FBXL19: variants seen among roughly 807,000 people sequenced by gnomAD.
The protein encoded by FBXL19 is F-box/LRR-repeat protein 19.
FBXL19 carries 16 observed loss-of-function variants against 71.2 expected under a neutral mutation model. The observed-to-expected ratio is 0.22, with a 90% CI of 0.15 to 0.34. The LOEUF (loss-of-function observed/expected upper bound fraction) is 0.34. FBXL19 is among the 10% of genes least tolerant of loss of function. The pLI, the probability that FBXL19 is intolerant of heterozygous loss-of-function variation, is 1.00. For missense variants in FBXL19, 658 were observed against 968.2 expected (o/e 0.68, Z 4.25); for synonymous variants, 447 against 409.4 (o/e 1.09, Z -1.11).
At position 30,930,325 on chromosome 16, in the gene FBXL19, G is replaced by C. The variant is rs769425331; in HGVS notation, c.1042G>C (p.Gly348Arg). The C allele has an allele frequency of 1.6e-5, 25 of 1,601,626 alleles. No individual in the cohort carries two copies. The highest frequency in any genetic ancestry group is 1.7e-6 in the Non-Finnish European group (2 of 1,174,480). Residue 348 changes from glycine to arginine, a missense_variant, in exon 7 of 11, where the codon GGG becomes CGG. Gly to Arg is a moderately radical substitution (Grantham distance 125, BLOSUM62 -2). This residue lies in a region of FBXL19 where 447 missense variants were observed against 515.4 expected (regional missense o/e 0.87). Coordinates refer to ENST00000338343, the MANE Select transcript of FBXL19 (RefSeq NM_001382779.1). The surrounding 1 kb of genome is among the most constrained non-coding windows in gnomAD (Gnocchi z 8.5). ...RGSSGEKENR[G>R]GRRAVRPGSG... ...CAGCTCTGGCGAGAAGGAGAACCGTGGGGGGCGGCGGGCTGTGCGCCCTGG... is the reference window on the plus strand; with the variant it reads ...CAGCTCTGGCGAGAAGGAGAACCGTCGGGGGCGGCGGGCTGTGCGCCCTGG...
chr16:30,924,538 A>G (rs1298879202), intron 1 of FBXL19, 79 bp downstream of exon 1: 1 of 1,197,416 alleles, frequency 8.4e-7, no homozygotes, highest in Non-Finnish European at 1.1e-6. Flanking sequence ...GCCTCTCTCT[A>G]CCTTCCCCGC....
At chr16:30,940,921 G>A (rs971559048) in intron 7 of FBXL19, among the ~76,000 whole-genome samples, 6 of 151,876 alleles carry the variant, frequency 4.0e-5, no homozygotes, top group East Asian at 1.9e-4. Flanking sequence ...CACCCACCTC[G>A]GCCTCCCAAA....
At chr16:30,945,101 A>T (rs76559563) in intron 9 of FBXL19, among the ~76,000 whole-genome samples, 1 of 152,360 alleles carries the variant, frequency 6.6e-6, no homozygotes, top group Non-Finnish European at 1.5e-5. Context: ...GGAAGTTTTT[A>T]GCATTCTGTA....
chr16:30,943,665 C>T (rs1474497857), intron 9 of FBXL19, among the ~76,000 whole-genome samples: 1 of 152,094 alleles, frequency 6.6e-6, no homozygotes, highest in Non-Finnish European at 1.5e-5. Context: ...TTAGCCACCG[C>T]ACCCGGCCTG....
At chr16:30,928,992 C>G (rs922021015) in intron 6 of FBXL19, among the ~76,000 whole-genome samples, 1 of 152,184 alleles carries the variant, frequency 6.6e-6, no homozygotes, top group Admixed American at 6.5e-5. Context: ...ATGCTGCTGC[C>G]TGCCTTGCCC....
chr16:30,941,749 C>T (rs575099863), intron 7 of FBXL19, among the ~76,000 whole-genome samples: 47 of 152,156 alleles, frequency 3.1e-4, no homozygotes, highest in Admixed American at 5.9e-4. Flanking sequence ...AGGCAGCATG[C>T]GTGGCATTTG....
chr16:30,928,077 G>A, intron 5 of FBXL19, 114 bp downstream of exon 5: 3 of 719,002 alleles, frequency 4.2e-6, no homozygotes, highest in South Asian at 2.1e-5. Flanking sequence ...GGTTCCCCAA[G>A]GACTGTTGGG....
At position 30,931,151 on chromosome 16, in the gene FBXL19, C is replaced by A. The variant is rs1326977041; in HGVS notation, c.1301+567C>A. 2.0e-5 allele frequency among the ~76,000 whole-genome samples: 3 copies of A among 152,208 alleles called. No individual in the cohort carries two copies. In the East Asian group the frequency reaches 5.8e-4, roughly 29 times the overall value. On this transcript the variant is annotated intron_variant, in intron 7 of 10. Coordinates refer to ENST00000338343, the MANE Select transcript of FBXL19 (RefSeq NM_001382779.1). ...GCCACCACTAATGCCCTCTGCCCAT[C>A]CCCCAGCCCCCCAGCCTCTATTAGA...
chr16:30,927,774 G>A lies in FBXL19; in HGVS notation c.438G>A (p.Arg146=). The A allele has an allele frequency of 6.4e-7, 1 of 1,556,712 alleles. No individual in the cohort carries two copies. Among genetic ancestry groups the A allele is most frequent in the Non-Finnish European group, 8.7e-7 (1 of 1,150,878 alleles). The part of the protein sequence containing the change: ...KDSGEGPGRR[R]ADNGEEGASL... ...CAGGTGAGGGGCCTGGCCGCCGTAGGGCCGACAACGGCGAGGAGGGCGCCA... is the reference window on the plus strand; with the variant it reads ...CAGGTGAGGGGCCTGGCCGCCGTAGAGCCGACAACGGCGAGGAGGGCGCCA... Residue 146 remains arginine, a synonymous_variant, in exon 5 of 11, where the codon AGG becomes AGA. Coordinates refer to ENST00000338343, the MANE Select transcript of FBXL19 (RefSeq NM_001382779.1).
In FBXL19 at chr16:30,925,604, G is replaced by T. The variant is rs1012081021; in HGVS notation, c.-24-127G>T. On this transcript the variant is annotated intron_variant, in intron 1 of 10. Transcript: ENST00000338343. The surrounding 1 kb of genome is among the most constrained non-coding windows in gnomAD (Gnocchi z 5.0). The stretch of plus-strand genomic sequence containing the variant: ...ATTGGCCCCCAGATACACAGAAGGG[G>T]GTGACCTCCTTGTCCCCCTGAGGAA... 2 of 1,039,486 alleles carry T rather than the reference G, an allele frequency of 1.9e-6. No individual in the cohort carries two copies. Among genetic ancestry groups the T allele is most frequent in the Non-Finnish European group, 2.6e-6 (2 of 775,944 alleles). 64.4% of individuals were successfully genotyped at this position (1,039,486 alleles called of 1,614,324 possible). A position where few individuals can be genotyped will look rare whatever the true frequency, so the allele number is the denominator to read the frequency against.
Position 30,925,525 on chromosome 16 carries a change from G to T in FBXL19, c.-24-206G>T. The T allele has an allele frequency of 2.1e-6, 1 of 473,766 alleles. No individual in the cohort carries two copies. The highest frequency in any genetic ancestry group is 3.5e-6 in the Non-Finnish European group (1 of 283,468). 29.3% of individuals were successfully genotyped at this position (473,766 alleles called of 1,614,324 possible). ...GGCGGTAGAGGAGCGAGGCCAGGAA[G>T]CAGTTCTTGGGCTCCTCTTGAGCTG... On this transcript the variant is annotated intron_variant, in intron 1 of 10. Transcript: ENST00000338343. The surrounding 1 kb of genome is among the most constrained non-coding windows in gnomAD (Gnocchi z 5.0).
At position 30,923,944 on chromosome 16, in the gene FBXL19, A is replaced by AC. The variant is rs1314843514; in HGVS notation, c.-532dup. 3.4e-4 allele frequency among the ~76,000 whole-genome samples: 28 copies of AC among 82,988 alleles called. No individual in the cohort carries two copies. The highest frequency in any genetic ancestry group is 1.2e-3 in the East Asian group (4 of 3,302). 54.4% of individuals were successfully genotyped at this position (82,988 alleles called of 152,430 possible). A position where few individuals can be genotyped will look rare whatever the true frequency, so the allele number is the denominator to read the frequency against. ...CAGGGGAGGGGGGCAGGTTACAGCG[A>AC]CCCCCCCCTCCCCGGGAACCGGCGG... On this transcript the variant is annotated 5_prime_UTR_variant, in exon 1 of 11. Coordinates refer to ENST00000338343, the MANE Select transcript of FBXL19 (RefSeq NM_001382779.1).
chr16:30,937,380 G>A (rs1432542549), intron 7 of FBXL19, among the ~76,000 whole-genome samples: 1 of 151,968 alleles, frequency 6.6e-6, no homozygotes, highest in South Asian at 2.1e-4. Flanking sequence ...CCCCCAGGAG[G>A]CTCCCCCACC....
intron 7 of FBXL19, among the ~76,000 whole-genome samples, chr16:30,933,840 C>T (rs963591741): frequency 2.6e-5 from 4 of 151,466 alleles, no homozygotes; most frequent in African/African-American, 9.7e-5. Context: ...ACAACCTCCA[C>T]CTCCTGGGTT....
chr16:30,923,340 T>G (rs1239986869), upstream of FBXL19: 2 of 403,140 alleles, frequency 5.0e-6, no homozygotes, highest in Non-Finnish European at 1.0e-5. Context: ...GGGCACGCCC[T>G]CCGCCGTCCT....
chr16:30,928,517 C>T lies in FBXL19; in HGVS notation c.678C>T (p.Cys226=). 6.2e-7 allele frequency: 1 copy of T among 1,607,078 alleles called. No homozygotes were observed. The highest frequency in any genetic ancestry group is 8.5e-7 in the Non-Finnish European group (1 of 1,176,478). Residue 226 remains cysteine, a synonymous_variant, in exon 6 of 11, where the codon TGC becomes TGT. Transcript: ENST00000338343. ...RHLKKVGGDA[C]LLRGSDPGGP... is the part of the protein sequence containing the mutation. ...TGAAGAAGGTGGGTGGAGACGCCTG[C>T]CTCCTCCGAGGATCGGACCCAGGCG...
rs754320118 is a variant in FBXL19 at position 30,925,886 on chromosome 16, G to A, written c.132G>A (p.Gly44=). 8.0e-6 allele frequency: 12 copies of A among 1,503,154 alleles called. No homozygotes were observed. In the East Asian group the frequency reaches 1.0e-4, roughly 13 times the overall value. 93.1% of individuals were successfully genotyped at this position (1,503,154 alleles called of 1,614,324 possible). The change falls in exon 2 of 11, where the codon GGG becomes GGA. Residue 44 remains glycine, a synonymous_variant. Transcript: ENST00000338343. The surrounding 1 kb of genome is among the most constrained non-coding windows in gnomAD (Gnocchi z 5.0). ...GCCGAGACATGAAGAAGTTCGGGGG[G>A]CCCGGGCGCATGAAGCAGTCGTGCC... The part of the protein sequence containing the change: ...HFCRDMKKFG[G]PGRMKQSCLL...
chr16:30,946,900 G>T lies in FBXL19; in HGVS notation c.1798G>T (p.Ala600Ser). The change falls in exon 10 of 11, where the codon GCC becomes TCC. Residue 600 changes from alanine (A) to serine (S), a missense_variant. Coordinates refer to ENST00000338343, the MANE Select transcript of FBXL19 (RefSeq NM_001382779.1). The surrounding 1 kb of genome is among the most constrained non-coding windows in gnomAD (Gnocchi z 6.7). ...VGDPSVHLLTAPTSPLRETLV... is the reference protein window; with the variant it reads ...VGDPSVHLLTSPTSPLRETLV... The stretch of plus-strand genomic sequence containing the variant: ...GGACCCCAGTGTTCACCTCCTCACG[G>T]CCCCCACGTCCCCACTCCGCGAGAC... 2 of 1,610,650 alleles carry T rather than the reference G, an allele frequency of 1.2e-6. No homozygotes were observed. The highest frequency in any genetic ancestry group is 1.7e-6 in the Non-Finnish European group (2 of 1,179,268).
At chr16:30,923,261 C>G (rs1437480452), upstream of FBXL19, 3 of 450,000 alleles carry the variant, frequency 6.7e-6, no homozygotes, top group Non-Finnish European at 1.4e-5. Flanking sequence ...CCCTCTCCTT[C>G]TCGATGTTCT....
Sources: allele counts gnomAD v4.1 joint callset (sites outside exome capture counted in the v4.1 genomes callset), GRCh38; gene constraint gnomAD v4.1.1; regional missense constraint gnomAD v4.1.1; non-coding constraint Gnocchi (gnomAD v3.1); transcripts MANE v1.5; gene names NCBI Gene and HGNC (gene_info 2026-07-23, HGNC 2026-07-21).